KIF26B: variants seen among roughly 807,000 people sequenced by gnomAD.
KIF26B encodes the protein kinesin-like protein KIF26B.
A neutral mutation model predicts 151.2 loss-of-function variants in KIF26B; 63 were observed. The ratio of observed to expected loss-of-function variants is 0.42; its 90% CI spans 0.34 to 0.51. The LOEUF (loss-of-function observed/expected upper bound fraction) is 0.51, where lower values mean the gene tolerates loss of function less well. Ranked by LOEUF, KIF26B falls within the 20% of genes least tolerant of loss-of-function variation. KIF26B has a pLI of 0.07. For missense variants in KIF26B, 2,813 were observed against 2,913.6 expected, an observed-to-expected ratio of 0.97 and a Z score of 0.79; for synonymous variants, 1,357 against 1,262.1, an observed-to-expected ratio of 1.08 and a Z score of -1.59.
chr1:245,257,977 A>G (rs140971930), intron 2 of KIF26B, among the ~76,000 whole-genome samples: 2,050 of 152,142 alleles, frequency 0.013, 39 homozygotes, highest in African/African-American at 0.036. Context: ...AGCTGAGATC[A>G]TGCCACTGCA....
rs1047273036 is a variant in KIF26B at position 245,464,787 on chromosome 1, G to A, written c.1166+45042G>A. On this transcript the variant is annotated intron_variant, in intron 4 of 14. Transcript: ENST00000407071. ...GACAGACAGTTGAAGTTGTGTCGTG[G>A]AGGGACACTGACATGAAATCTGGCA... is the stretch of plus-strand genomic sequence containing the variant. Among the ~76,000 whole-genome samples the A allele has an allele frequency of 5.9e-4, 90 of 152,154 alleles. 1 individual carries two copies. Among genetic ancestry groups the A allele is most frequent in the Non-Finnish European group, 6.0e-4 (41 of 67,986 alleles).
At chr1:245,220,570 G>T (rs1007351501) in intron 2 of KIF26B, among the ~76,000 whole-genome samples, 1 of 152,176 alleles carries the variant, frequency 6.6e-6, no homozygotes, top group African/African-American at 2.4e-5. Flanking sequence ...AAGGAGTAAG[G>T]CATGTGACTG....
chr1:245,602,464 C>G lies in KIF26B; in HGVS notation c.1351-113C>G. 1 of 772,604 alleles carries G rather than the reference C, an allele frequency of 1.3e-6. No individual in the cohort carries two copies. Among genetic ancestry groups the G allele is most frequent in the South Asian group, 1.7e-5 (1 of 60,560 alleles). 47.9% of individuals were successfully genotyped at this position (772,604 alleles called of 1,614,324 possible). A position where few individuals can be genotyped will look rare whatever the true frequency, so the allele number is the denominator to read the frequency against. ...ACTGTGCATTTCATCATAATTTATC[C>G]TGAGAAAGTTCAGTGCTGCCATGTG... On this transcript the variant is annotated intron_variant, in intron 5 of 14. Coordinates refer to ENST00000407071, the MANE Select transcript of KIF26B (RefSeq NM_018012.4). This position sits in a 1 kb window ranked among gnomAD's most constrained non-coding sequence, Gnocchi z 4.5.
chr1:245,557,575 C>G lies in KIF26B; in HGVS notation c.1350+16625C>G, dbSNP rs533940085. On this transcript the variant is annotated intron_variant, in intron 5 of 14. Coordinates refer to ENST00000407071, the MANE Select transcript of KIF26B (RefSeq NM_018012.4). ...GTTTGGGGCTGTGGGAGCACCTCTT[C>G]CTTCTGTTGGTCCTAGGAGCTCAGC... is the stretch of plus-strand genomic sequence containing the variant. Among the ~76,000 whole-genome samples, 46 of 152,314 alleles carry G rather than the reference C, an allele frequency of 3.0e-4. 1 individual carries two copies. In the South Asian group the frequency reaches 9.1e-3, roughly 30 times the overall value.
chr1:245,233,213 C>T (rs1670033236), intron 2 of KIF26B, among the ~76,000 whole-genome samples: 1 of 152,128 alleles, frequency 6.6e-6, no homozygotes, highest in African/African-American at 2.4e-5. Context: ...TCACAGGGCC[C>T]AGAAGGAAGT....
chr1:245,520,147 G>A (rs1163011693), intron 4 of KIF26B, among the ~76,000 whole-genome samples: 2 of 150,286 alleles, frequency 1.3e-5, no homozygotes, highest in Admixed American at 6.7e-5. Flanking sequence ...GAGAGAGAGA[G>A]CCCTTCCCCA....
intron 2 of KIF26B, among the ~76,000 whole-genome samples, chr1:245,294,342 T>C (rs1039985628): frequency 6.6e-6 from 1 of 152,216 alleles, no homozygotes; most frequent in African/African-American, 2.4e-5. Context: ...GGTCTAACTA[T>C]ACAGGACAAT....
rs574055112 is a variant in KIF26B at position 245,234,152 on chromosome 1, T to C, written c.465+77469T>C. ...TGAGCCAAGATCGCGCCACTGCACT[T>C]CAGCCTGGCCTTTAGAACGAGACTC... On this transcript the variant is annotated intron_variant, in intron 2 of 14. Transcript: ENST00000407071. 9.0e-4 allele frequency among the ~76,000 whole-genome samples: 136 copies of C among 151,854 alleles called. 2 individuals are homozygous for C. Among genetic ancestry groups the C allele is most frequent in the Non-Finnish European group, 6.0e-4 (41 of 67,916 alleles).
intron 4 of KIF26B, among the ~76,000 whole-genome samples, chr1:245,485,631 G>A (rs563108310): frequency 7.0e-4 from 106 of 152,296 alleles, no homozygotes; most frequent in Non-Finnish European, 1.4e-3. Context: ...TGATCTGCCC[G>A]CCTCGGCCTC....
chr1:245,432,426 G>A (rs998998429), intron 4 of KIF26B, among the ~76,000 whole-genome samples: 2 of 152,164 alleles, frequency 1.3e-5, no homozygotes, highest in Admixed American at 6.5e-5. Context: ...GTTAAGGGAT[G>A]GGACAAGGGA....
At chr1:245,315,368 ATTGC>A (rs1671747044) in intron 2 of KIF26B, among the ~76,000 whole-genome samples, 1 of 151,166 alleles carries the variant, frequency 6.6e-6, no homozygotes, top group African/African-American at 2.4e-5. Flanking sequence ...TTCAAGGTAC[ATTGC>A]TTGAGCCTAG....
intron 6 of KIF26B, among the ~76,000 whole-genome samples, chr1:245,604,679 G>A (rs761639271): frequency 1.3e-5 from 2 of 152,170 alleles, no homozygotes; most frequent in Admixed American, 6.5e-5. Context: ...CCAGAAAAAG[G>A]GTCCATTTTA....
At chr1:245,361,096 T>A (rs1306009332) in intron 2 of KIF26B, among the ~76,000 whole-genome samples, 1 of 152,238 alleles carries the variant, frequency 6.6e-6, no homozygotes, top group East Asian at 1.9e-4. Flanking sequence ...TGTTACGTTC[T>A]AATTAAACAT....
At chr1:245,462,977 G>T (rs1315805446) in intron 4 of KIF26B, among the ~76,000 whole-genome samples, 1 of 152,146 alleles carries the variant, frequency 6.6e-6, no homozygotes, top group Non-Finnish European at 1.5e-5. Flanking sequence ...CCTACGAGAT[G>T]CACACACAGA....
chr1:245,557,237 C>T (rs1662061545), intron 5 of KIF26B, among the ~76,000 whole-genome samples: 1 of 152,178 alleles, frequency 6.6e-6, no homozygotes. Flanking sequence ...ATAGGTTGAC[C>T]TTCACTTGGC....
At chr1:245,199,407 T>C (rs1377023105) in intron 2 of KIF26B, among the ~76,000 whole-genome samples, 2 of 152,138 alleles carry the variant, frequency 1.3e-5, no homozygotes, top group African/African-American at 4.8e-5. Flanking sequence ...GGTTGCTTCT[T>C]TGTTTCCAGT....
intron 2 of KIF26B, among the ~76,000 whole-genome samples, chr1:245,249,758 C>T (rs188122142): frequency 2.0e-4 from 30 of 152,278 alleles, no homozygotes; most frequent in African/African-American, 7.2e-4. Flanking sequence ...GTTGGGATTA[C>T]AGGCGTGAGC....
intron 2 of KIF26B, among the ~76,000 whole-genome samples, chr1:245,362,410 C>T (rs539696643): frequency 6.7e-5 from 10 of 149,462 alleles, no homozygotes; most frequent in African/African-American, 1.7e-4. Context: ...TGGTTGTGGG[C>T]GCCTGTAGTC....
intron 3 of KIF26B, among the ~76,000 whole-genome samples, chr1:245,377,153 G>A (rs1430840485): frequency 1.3e-5 from 2 of 152,208 alleles, no homozygotes; most frequent in South Asian, 2.1e-4. Flanking sequence ...GACCTCAGGT[G>A]ACCCACCCGC....
Sources: allele counts gnomAD v4.1 joint callset (sites outside exome capture counted in the v4.1 genomes callset), GRCh38; gene constraint gnomAD v4.1.1; non-coding constraint Gnocchi (gnomAD v3.1); transcripts MANE v1.5; gene names NCBI Gene and HGNC (gene_info 2026-07-23, HGNC 2026-07-21).